Variants in SPATS2L observed in about 807,000 individuals in gnomAD.
SPATS2L encodes spermatogenesis associated serine rich 2 like, also known as SPATS2-like protein.
SPATS2L carries 30 observed loss-of-function variants against 59.6 expected under a neutral mutation model. The observed-to-expected ratio is 0.50, with a 90% CI of 0.38 to 0.68. The LOEUF (loss-of-function observed/expected upper bound fraction) is 0.68, where lower values mean the gene tolerates loss of function less well. SPATS2L is among the 30% of genes least tolerant of loss of function. The pLI, the probability that SPATS2L is intolerant of heterozygous loss-of-function variation, is 0.00. For synonymous variants in SPATS2L, 252 were observed against 263.5 expected (o/e 0.96, Z 0.42); for missense variants, 615 against 700.0 (o/e 0.88, Z 1.37).
chr2:200,477,843 A>G lies in SPATS2L; in HGVS notation c.1489A>G (p.Lys497Glu), dbSNP rs544767695. ...AAATCAAGAGGCTTCCTTGGGGATGAAGACCCCCGAGGCCCCGGCCCATTC... is the reference window on the plus strand; with the variant it reads ...AAATCAAGAGGCTTCCTTGGGGATGGAGACCCCCGAGGCCCCGGCCCATTC... ...AKNQEASLGMKTPEAPAHSEK... is the reference protein window; with the variant it reads ...AKNQEASLGMETPEAPAHSEK... The change falls in exon 13 of 13, where the codon AAG (lysine) becomes GAG (glutamate). Residue 497 changes from lysine (K) to glutamate (E), a missense_variant. Lys to Glu is a moderately conservative substitution (Grantham distance 56). This residue lies in a region of SPATS2L where 284 missense variants were observed against 280.1 expected (regional missense o/e 1.01). Coordinates refer to ENST00000409140, the MANE Select transcript of SPATS2L (RefSeq NM_001100423.2). The G allele has an allele frequency of 6.3e-7, 1 of 1,584,410 alleles. No homozygotes were observed. The highest frequency in any genetic ancestry group is 1.3e-5 in the African/African-American group (1 of 74,312).
At chr2:200,399,604 T>C (rs753829904) in intron 3 of SPATS2L, among the ~76,000 whole-genome samples, 6 of 152,124 alleles carry the variant, frequency 3.9e-5, no homozygotes, top group Non-Finnish European at 7.4e-5. Context: ...CATAAAATCA[T>C]TGGGAAAACA....
intron 8 of SPATS2L, among the ~76,000 whole-genome samples, chr2:200,450,833 G>A (rs116607686): frequency 0.022 from 3,325 of 152,258 alleles, 126 homozygotes; most frequent in African/African-American, 0.075. Context: ...ATGGAGCTGG[G>A]GGGAGGAAAA....
chr2:200,417,101 C>T (rs533473357), intron 5 of SPATS2L, among the ~76,000 whole-genome samples: 14 of 152,100 alleles, frequency 9.2e-5, no homozygotes, highest in Non-Finnish European at 1.6e-4. Flanking sequence ...AAAAGTGTGC[C>T]GCTCCTTTCA....
intron 2 of SPATS2L, among the ~76,000 whole-genome samples, chr2:200,338,251 G>A (rs1213003145): frequency 2.0e-5 from 3 of 152,054 alleles, no homozygotes; most frequent in Admixed American, 1.3e-4. Context: ...TATTGAACTC[G>A]TGGGCTCAAG....
intron 3 of SPATS2L, among the ~76,000 whole-genome samples, chr2:200,403,544 T>A (rs780502115): frequency 1.3e-5 from 2 of 152,194 alleles, no homozygotes; most frequent in Non-Finnish European, 2.9e-5. Flanking sequence ...CTCTTTAACA[T>A]CTGTTCTTTC....
At chr2:200,476,506 C>T (rs963122431) in intron 12 of SPATS2L, among the ~76,000 whole-genome samples, 7 of 152,236 alleles carry the variant, frequency 4.6e-5, no homozygotes, top group African/African-American at 1.7e-4. Flanking sequence ...CCTTCACAGG[C>T]CTTGCAACAG....
At chr2:200,419,614 T>A in intron 6 of SPATS2L, 118 bp downstream of exon 6, 2 of 1,171,516 alleles carry the variant, frequency 1.7e-6, no homozygotes, top group South Asian at 1.6e-5. Context: ...CTGCAGTGTG[T>A]ACGATTCAGC....
chr2:200,473,517 A>G (rs1398187951), intron 12 of SPATS2L, among the ~76,000 whole-genome samples: 1 of 152,234 alleles, frequency 6.6e-6, no homozygotes, highest in African/African-American at 2.4e-5. Flanking sequence ...AAGAGGCTAA[A>G]GTTAGTGCAG....
chr2:200,343,735 C>T (rs1010032682), intron 2 of SPATS2L, among the ~76,000 whole-genome samples: 1 of 151,998 alleles, frequency 6.6e-6, no homozygotes, highest in African/African-American at 2.4e-5. Context: ...CACAGTCATA[C>T]AATAAAATAC....
intron 3 of SPATS2L, among the ~76,000 whole-genome samples, chr2:200,405,641 A>G (rs747382170): frequency 1.1e-4 from 16 of 152,236 alleles, no homozygotes; most frequent in Non-Finnish European, 2.2e-4. Flanking sequence ...GAAGCAAAGC[A>G]TACACAGATG....
chr2:200,383,964 ACAAT>A (rs1265703099), intron 2 of SPATS2L: 2 of 1,002,256 alleles, frequency 2.0e-6, no homozygotes, highest in Non-Finnish European at 2.4e-6. Context: ...TACTGCCTAC[ACAAT>A]CAAACAGGAG....
At chr2:200,360,651 A>T (rs529206248) in intron 2 of SPATS2L, among the ~76,000 whole-genome samples, 1 of 152,322 alleles carries the variant, frequency 6.6e-6, no homozygotes, top group Admixed American at 6.5e-5. Context: ...AGCAGGTGGC[A>T]GGTGGTCAGC....
chr2:200,476,596 G>C (rs1484309876), intron 12 of SPATS2L, among the ~76,000 whole-genome samples: 1 of 152,170 alleles, frequency 6.6e-6, no homozygotes, highest in East Asian at 1.9e-4. Flanking sequence ...GCAGGAGCTA[G>C]AGCAAGCACT....
intron 2 of SPATS2L, among the ~76,000 whole-genome samples, chr2:200,345,143 C>A (rs1462544907): frequency 2.0e-5 from 3 of 152,138 alleles, no homozygotes; most frequent in Non-Finnish European, 4.4e-5. Flanking sequence ...GAAATCTTTG[C>A]CCATCCCTAG....
chr2:200,413,964 C>CA lies in SPATS2L; in HGVS notation c.148+1551dup, dbSNP rs778459087. 4.6e-5 allele frequency among the ~76,000 whole-genome samples: 7 copies of CA among 152,206 alleles called. No individual in the cohort carries two copies. In the East Asian group the frequency reaches 9.7e-4, roughly 21 times the overall value. On this transcript the variant is annotated intron_variant, in intron 4 of 12. Coordinates refer to ENST00000409140, the MANE Select transcript of SPATS2L (RefSeq NM_001100423.2). ...TTGCAGCATTAGGTGCAGTTTGTCT[C>CA]AAAAAATATTTGGAAATAAGCATAT...
chr2:200,375,561 G>A (rs1426180236), intron 2 of SPATS2L, among the ~76,000 whole-genome samples: 4 of 152,186 alleles, frequency 2.6e-5, no homozygotes, highest in African/African-American at 7.2e-5. Context: ...AGGTATGCTG[G>A]GAGGAAGAGC....
chr2:200,311,023 C>T (rs1441029269), intron 1 of SPATS2L, among the ~76,000 whole-genome samples: 1 of 152,150 alleles, frequency 6.6e-6, no homozygotes, highest in African/African-American at 2.4e-5. Flanking sequence ...ACTGATGTGC[C>T]TTTTATTCTG....
At chr2:200,315,013 TAATAA>T (rs1457363122) in intron 1 of SPATS2L, among the ~76,000 whole-genome samples, 5 of 152,252 alleles carry the variant, frequency 3.3e-5, no homozygotes, top group South Asian at 2.1e-4. Context: ...CATAAAGAAA[TAATAA>T]AATAAAATGT....
At chr2:200,399,154 G>T (rs1330509364) in intron 3 of SPATS2L, among the ~76,000 whole-genome samples, 1 of 152,046 alleles carries the variant, frequency 6.6e-6, no homozygotes, top group African/African-American at 2.4e-5. Flanking sequence ...TAGTCATAGG[G>T]ACAGTGCCTC....
Sources: gnomAD v4.1 joint callset for allele counts (sites outside exome capture counted in the v4.1 genomes callset) on GRCh38, gnomAD v4.1.1 for gene constraint, gnomAD v4.1.1 regional missense constraint, MANE v1.5 for transcripts, NCBI Gene and HGNC (gene_info 2026-07-23, HGNC 2026-07-21) for gene names.